Variants in AGO2 observed in about 807,000 individuals in gnomAD.
AGO2 encodes argonaute RISC catalytic component 2.
Under a neutral mutation model 102.3 loss-of-function variants are expected in AGO2, and 5 were observed. The ratio of observed to expected loss-of-function variants is 0.05; its 90% CI spans 0.03 to 0.10. The LOEUF is 0.10. AGO2 is among the 10% of genes least tolerant of loss of function. The pLI is 1.00. For synonymous variants in AGO2, 449 were observed against 473.1 expected, an observed-to-expected ratio of 0.95 and a Z score of 0.66; for missense variants, 541 against 1,183.7, an observed-to-expected ratio of 0.46 and a Z score of 7.97.
chr8:140,624,924 C>T (rs2074256745), intron 1 of AGO2, among the ~76,000 whole-genome samples: 1 of 152,322 alleles, frequency 6.6e-6, no homozygotes, highest in East Asian at 1.9e-4. Flanking sequence ...GCATGGCACA[C>T]ACCCCCATCC....
rs1160858607 is a variant in AGO2, at chr8:140,532,086, G to A, written c.2538C>T (p.Val846=). ...TGCGCAGAGTGTCTTGGTGAACCTG[G>A]ACCGCCTTGGCCAGTGCTTGGTGGT... The part of the protein sequence containing the change: ...GRDHQALAKA[V]QVHQDTLRTM... Residue 846 remains valine, a synonymous_variant, in exon 19 of 19, where the codon GTC becomes GTT. Transcript: ENST00000220592. The A allele has an allele frequency of 6.2e-7, 1 of 1,614,048 alleles. No homozygotes were observed.
chr8:140,545,234 A>G (rs1188919206), intron 13 of AGO2, among the ~76,000 whole-genome samples: 1 of 152,086 alleles, frequency 6.6e-6, no homozygotes, highest in Non-Finnish European at 1.5e-5. Flanking sequence ...GCTGGCTCCC[A>G]GGCCCCTTCT....
chr8:140,522,872 A>C lies in AGO2; in HGVS notation c.*9172T>G, dbSNP rs1361332498. ...ATTTTTGCATACTCTGAAACTCACA[A>C]ATTTAACATCTGATTAAGGCTTAAT... On this transcript the variant is annotated 3_prime_UTR_variant, in exon 19 of 19. Transcript: ENST00000220592. The C allele has an allele frequency of 6.6e-6, 1 of 152,214 alleles. No individual in the cohort carries two copies. Among genetic ancestry groups the C allele is most frequent in the East Asian group, 1.9e-4 (1 of 5,208 alleles). The allele number at this position is 152,214 out of a possible 1,614,324, so 9.4% of individuals were successfully genotyped here. A position where few individuals can be genotyped will look rare whatever the true frequency, so the allele number is the denominator to read the frequency against.
intron 17 of AGO2, among the ~76,000 whole-genome samples, chr8:140,533,872 G>C (rs990143465): frequency 3.3e-5 from 5 of 152,024 alleles, no homozygotes; most frequent in Non-Finnish European, 5.9e-5. Flanking sequence ...GAGTGTGAAC[G>C]TGAGTACCAT....
intron 1 of AGO2, among the ~76,000 whole-genome samples, chr8:140,599,815 G>A (rs911587936): frequency 3.9e-5 from 6 of 152,102 alleles, no homozygotes; most frequent in East Asian, 1.9e-4. Context: ...TCTGCCTTCC[G>A]GGTTCAAGCG....
intron 1 of AGO2, among the ~76,000 whole-genome samples, chr8:140,594,600 A>C (rs571901912): frequency 3.6e-4 from 55 of 152,190 alleles, no homozygotes; most frequent in Non-Finnish European, 6.0e-4. Context: ...CTAGCCTGGG[A>C]AACATGGCAA....
intron 8 of AGO2, among the ~76,000 whole-genome samples, chr8:140,556,538 C>T (rs527366310): frequency 1.7e-4 from 26 of 152,228 alleles, no homozygotes; most frequent in African/African-American, 6.3e-4. Context: ...GCCCAGCCCA[C>T]CAGGTGAGCG....
At chr8:140,625,120 C>A (rs1352281390) in intron 1 of AGO2, among the ~76,000 whole-genome samples, 1 of 152,174 alleles carries the variant, frequency 6.6e-6, no homozygotes, top group Admixed American at 6.5e-5. Context: ...CCCTGCTGCA[C>A]GTCCCTGGTA....
intron 17 of AGO2, 24 bp downstream of exon 17, chr8:140,535,444 T>C: frequency 1.2e-6 from 2 of 1,609,742 alleles, no homozygotes; most frequent in Non-Finnish European, 1.7e-6. Context: ...CAAGACTCTG[T>C]CCGAAGGGGA....
intron 1 of AGO2, among the ~76,000 whole-genome samples, chr8:140,604,826 CA>C (rs5895646): frequency 0.79 from 116,319 of 147,294 alleles, 45,796 homozygotes; most frequent in Admixed American, 0.82. Context: ...GACTCCATCT[CA>C]AAAAAAAAAA....
At chr8:140,628,859 C>T (rs192962684) in intron 1 of AGO2, among the ~76,000 whole-genome samples, 2 of 151,918 alleles carry the variant, frequency 1.3e-5, no homozygotes, top group Admixed American at 6.6e-5. Context: ...GCTGAGCCAC[C>T]GTGGATCACC....
chr8:140,620,855 CAAGA>C (rs2074208665), intron 1 of AGO2, among the ~76,000 whole-genome samples: 1 of 151,548 alleles, frequency 6.6e-6, no homozygotes. Flanking sequence ...ACCCTGTCCC[CAAGA>C]AAAAGAAAAA....
At chr8:140,558,241 G>A (rs558434924) in intron 7 of AGO2, among the ~76,000 whole-genome samples, 15 of 152,372 alleles carry the variant, frequency 9.8e-5, no homozygotes, top group African/African-American at 3.4e-4. Flanking sequence ...GGCTCAGGAA[G>A]GAAGAGGGAG....
chr8:140,536,432 TTC>T (rs1416923512), intron 16 of AGO2, among the ~76,000 whole-genome samples: 1 of 151,910 alleles, frequency 6.6e-6, no homozygotes, highest in Non-Finnish European at 1.5e-5. Flanking sequence ...GTTCAAGCGA[TTC>T]TCCTGCCTCG....
At chr8:140,595,629 T>TTA (rs922027261) in intron 1 of AGO2, among the ~76,000 whole-genome samples, 8 of 117,926 alleles carry the variant, frequency 6.8e-5, no homozygotes, top group South Asian at 2.5e-4. Context: ...TATATATATA[T>TTA]TATATATATA....
chr8:140,536,553 C>G (rs892144384), intron 16 of AGO2, among the ~76,000 whole-genome samples: 1 of 152,096 alleles, frequency 6.6e-6, no homozygotes, highest in African/African-American at 2.4e-5. Flanking sequence ...TCTTGAACTC[C>G]TGACCTCATG....
chr8:140,598,847 C>T (rs1338510503), intron 1 of AGO2, among the ~76,000 whole-genome samples: 1 of 152,254 alleles, frequency 6.6e-6, no homozygotes, highest in Non-Finnish European at 1.5e-5. Context: ...CAAACCCAGA[C>T]ACCTCCTTGC....
At chr8:140,536,349 T>C (rs1301457636) in intron 16 of AGO2, among the ~76,000 whole-genome samples, 11 of 147,888 alleles carry the variant, frequency 7.4e-5, no homozygotes, top group South Asian at 2.1e-4. Context: ...TTTTTTGAGA[T>C]GGAGTCTTGC....
At chr8:140,621,774 G>T (rs2074219861) in intron 1 of AGO2, among the ~76,000 whole-genome samples, 1 of 152,156 alleles carries the variant, frequency 6.6e-6, no homozygotes, top group Non-Finnish European at 1.5e-5. Context: ...CTTTCTAAAA[G>T]GTTCAGAGGA....
Sources: gnomAD v4.1 joint callset for allele counts (sites outside exome capture counted in the v4.1 genomes callset) on GRCh38, gnomAD v4.1.1 for gene constraint, MANE v1.5 for transcripts, NCBI Gene and HGNC (gene_info 2026-07-23, HGNC 2026-07-21) for gene names.